The following ZNF367 variants were observed in gnomAD, a reference collection of about 807,000 sequenced individuals.
ZNF367 encodes the protein C2H2 zinc finger protein ZFF29.
A neutral mutation model predicts 31.8 loss-of-function variants in ZNF367; 11 were observed. That is an observed-to-expected ratio of 0.35 (90% CI 0.22 to 0.57). ZNF367 has a LOEUF of 0.57. ZNF367 is among the 20% of genes least tolerant of loss of function. The pLI is 0.85. For synonymous variants in ZNF367, 199 were observed against 202.4 expected (o/e 0.98, Z 0.14); for missense variants, 353 against 484.1 (o/e 0.73, Z 2.54).
At chr9:96,414,536 T>G (rs34802611) in intron 1 of ZNF367, among the ~76,000 whole-genome samples, 6,994 of 152,134 alleles carry the variant, frequency 0.046, 204 homozygotes, top group African/African-American at 0.078. Context: ...GGAGTGCAGT[T>G]GCACGATCTC....
chr9:96,411,510 C>A lies in ZNF367; in HGVS notation c.420+6103G>T, dbSNP rs151007041. On this transcript the variant is annotated intron_variant, in intron 1 of 4. Transcript: ENST00000375256. ...AGTGGGAGTTCAAGGCTGCAGTGAGCCCTAACAGTGCCACTGCACTCAGCC... is the reference window on the plus strand; with the variant it reads ...AGTGGGAGTTCAAGGCTGCAGTGAGACCTAACAGTGCCACTGCACTCAGCC... 1.1e-4 allele frequency among the ~76,000 whole-genome samples: 17 copies of A among 152,150 alleles called. No homozygotes were observed. The East Asian group carries it at 3.3e-3, about 29-fold the overall frequency.
chr9:96,389,927 CAG>C (rs747872300), intron 4 of ZNF367, among the ~76,000 whole-genome samples: 1 of 118,060 alleles, frequency 8.5e-6, no homozygotes, highest in Non-Finnish European at 1.7e-5. Context: ...TTTTTGGAGA[CAG>C]AGTTTCACTC....
chr9:96,418,093 C>G lies in ZNF367; in HGVS notation c.-61G>C. 7.6e-7 allele frequency: 1 copy of G among 1,314,436 alleles called. No individual in the cohort carries two copies. The highest frequency in any genetic ancestry group is 1.5e-5 in the African/African-American group (1 of 64,898). 81.4% of individuals were successfully genotyped at this position (1,314,436 alleles called of 1,614,324 possible). On this transcript the variant is annotated 5_prime_UTR_variant, in exon 1 of 5. Coordinates refer to ENST00000375256, the MANE Select transcript of ZNF367 (RefSeq NM_153695.4). ...CCGCACTCCTGAGCACCGCTCTGCC[C>G]CTCACTCGCTCTGCTCCGAGTCGCA... is the stretch of plus-strand genomic sequence containing the variant.
chr9:96,395,966 T>C (rs935020757), intron 2 of ZNF367, among the ~76,000 whole-genome samples: 3 of 152,228 alleles, frequency 2.0e-5, no homozygotes, highest in Non-Finnish European at 4.4e-5. Context: ...CCTCCCTAAA[T>C]TTCTCATTAT....
chr9:96,390,210 G>A (rs1217367049), intron 4 of ZNF367, among the ~76,000 whole-genome samples: 1 of 151,520 alleles, frequency 6.6e-6, no homozygotes, highest in Non-Finnish European at 1.5e-5. Context: ...CCCCAACAAA[G>A]CTGTTTTTAA....
chr9:96,392,341 C>A, intron 4 of ZNF367, 57 bp downstream of exon 4: 1 of 1,612,492 alleles, frequency 6.2e-7, no homozygotes. Flanking sequence ...AGGTCCCTGA[C>A]ATAGCCCCAG....
chr9:96,415,478 C>CTTTTT (rs1564146059), intron 1 of ZNF367, among the ~76,000 whole-genome samples: 2 of 65,578 alleles, frequency 3.0e-5, no homozygotes, highest in Non-Finnish European at 5.9e-5. Context: ...TTAGTTTCTT[C>CTTTTT]ATTTTTTTTT....
At chr9:96,392,618 T>C (rs567693346) in intron 3 of ZNF367, 82 bp from the exon 4 acceptor site, 6 of 1,502,000 alleles carry the variant, frequency 4.0e-6, no homozygotes, top group African/African-American at 1.4e-5. Context: ...TTCACTGGTA[T>C]CCAGAAAAGT....
intron 1 of ZNF367, among the ~76,000 whole-genome samples, chr9:96,416,104 T>G (rs1831826617): frequency 6.7e-6 from 1 of 150,008 alleles, no homozygotes; most frequent in South Asian, 2.1e-4. Flanking sequence ...TTTTTTTTTT[T>G]TGAGACGGAT....
intron 1 of ZNF367, among the ~76,000 whole-genome samples, chr9:96,401,742 C>T (rs4631581): frequency 1.3e-5 from 2 of 151,014 alleles, no homozygotes; most frequent in African/African-American, 2.4e-5. Context: ...GCAGGAGAAT[C>T]GCTTGAACCT....
chr9:96,402,426 T>C (rs1470201936), intron 1 of ZNF367, among the ~76,000 whole-genome samples: 2 of 149,820 alleles, frequency 1.3e-5, no homozygotes, highest in Non-Finnish European at 3.0e-5. Flanking sequence ...ATACCCTACT[T>C]CCTTTACTTC....
intron 1 of ZNF367, among the ~76,000 whole-genome samples, chr9:96,415,745 C>A (rs771500214): frequency 6.6e-6 from 1 of 150,952 alleles, no homozygotes; most frequent in Non-Finnish European, 1.5e-5. Flanking sequence ...GTGATCCACC[C>A]GCCTCAGCCT....
At chr9:96,406,187 A>G (rs528097005) in intron 1 of ZNF367, among the ~76,000 whole-genome samples, 2 of 152,366 alleles carry the variant, frequency 1.3e-5, no homozygotes, top group South Asian at 2.1e-4. Context: ...ACTTTCACAC[A>G]TACAAGTTAC....
At chr9:96,412,740 G>C (rs1422424542) in intron 1 of ZNF367, among the ~76,000 whole-genome samples, 1 of 143,964 alleles carries the variant, frequency 6.9e-6, no homozygotes, top group Admixed American at 7.1e-5. Flanking sequence ...TAGTCGCCCA[G>C]GCTGGAGTGC....
chr9:96,402,955 T>C (rs1473588891), intron 1 of ZNF367, among the ~76,000 whole-genome samples: 1 of 151,260 alleles, frequency 6.6e-6, no homozygotes, highest in Non-Finnish European at 1.5e-5. Context: ...GGAACAAATA[T>C]ATAGAAATTA....
At chr9:96,394,706 A>G (rs1372997863) in intron 3 of ZNF367, 117 bp downstream of exon 3, 1 of 948,264 alleles carries the variant, frequency 1.1e-6, no homozygotes, top group East Asian at 2.8e-5. Flanking sequence ...GAAAGCTTAT[A>G]AAGTTTTATA....
chr9:96,396,374 A>G (rs1426124654), intron 2 of ZNF367, among the ~76,000 whole-genome samples: 1 of 152,224 alleles, frequency 6.6e-6, no homozygotes, highest in Admixed American at 6.5e-5. Flanking sequence ...AATGGTATCC[A>G]AAGTCAAAAC....
At chr9:96,411,786 T>C (rs894329528) in intron 1 of ZNF367, among the ~76,000 whole-genome samples, 1 of 152,098 alleles carries the variant, frequency 6.6e-6, no homozygotes, top group African/African-American at 2.4e-5. Flanking sequence ...ACTGGCCATA[T>C]ACAGGGAAGG....
chr9:96,413,124 T>C lies in ZNF367; in HGVS notation c.420+4489A>G, dbSNP rs1535423. ...CAGTATAGGGACTAAGAACAGGGAC[T>C]CTAGAAGGTTCCGATCAGTTCTGCC... On this transcript the variant is annotated intron_variant, in intron 1 of 4. Coordinates refer to ENST00000375256, the MANE Select transcript of ZNF367 (RefSeq NM_153695.4). Among the ~76,000 whole-genome samples the C allele has an allele frequency of 3.3e-5, 5 of 152,344 alleles. No homozygotes were observed. The East Asian group carries it at 9.6e-4, about 29-fold the overall frequency.
Sources: allele counts gnomAD v4.1 joint callset (sites outside exome capture counted in the v4.1 genomes callset), GRCh38; gene constraint gnomAD v4.1.1; transcripts MANE v1.5; gene names NCBI Gene and HGNC (gene_info 2026-07-23, HGNC 2026-07-21).